Variants in ARHGAP12 observed in about 807,000 individuals in gnomAD.
The protein encoded by ARHGAP12 is rho GTPase-activating protein 12.
Under a neutral mutation model 108.6 loss-of-function variants are expected in ARHGAP12, and 64 were observed. The ratio of observed to expected loss-of-function variants is 0.59; its 90% confidence interval spans 0.48 to 0.73. The LOEUF is 0.73. Among genes scored for constraint, ARHGAP12 ranks in the 30% least tolerant of loss-of-function variants. The probability of loss-of-function intolerance (pLI) is 0.00; values close to 1 mark genes in which losing one functional copy is unlikely to be tolerated. For synonymous variants in ARHGAP12, 312 were observed against 337.2 expected, an observed-to-expected ratio of 0.93 and a Z score of 0.82; for missense variants, 940 against 1,005.9, an observed-to-expected ratio of 0.93 and a Z score of 0.89.
At chr10:31,901,207 C>G (rs1483380769) in intron 3 of ARHGAP12, among the ~76,000 whole-genome samples, 1 of 145,802 alleles carries the variant, frequency 6.9e-6, no homozygotes, top group Non-Finnish European at 1.5e-5. Flanking sequence ...CAGCAAGAAT[C>G]CGTCTCAAAA....
chr10:31,827,896 T>A (rs1835679899), intron 10 of ARHGAP12, among the ~76,000 whole-genome samples: 1 of 152,168 alleles, frequency 6.6e-6, no homozygotes, highest in Non-Finnish European at 1.5e-5. Context: ...TACCTTTTTT[T>A]AAATTACTTT....
At chr10:31,906,115 A>G (rs531524003) in intron 3 of ARHGAP12, among the ~76,000 whole-genome samples, 3 of 152,282 alleles carry the variant, frequency 2.0e-5, no homozygotes, top group South Asian at 4.1e-4. Flanking sequence ...ACACACAAGC[A>G]GCCATGAAGA....
In ARHGAP12 at chr10:31,807,706, C is replaced by G; in HGVS notation, c.2493G>C (p.Gln831His). 6.2e-7 allele frequency: 1 copy of G among 1,606,060 alleles called. No individual in the cohort carries two copies. The highest frequency in any genetic ancestry group is 8.5e-7 in the Non-Finnish European group (1 of 1,177,684). The stretch of plus-strand genomic sequence containing the variant: ...GTTCCAGAAGAATTAATTCTACAAT[C>G]TGATTCTGGTACACAGTATGAACTG... ...NIAVHTVYQNQIVELILLELS... is the reference protein window; with the variant it reads ...NIAVHTVYQNHIVELILLELS... Residue 831 changes from glutamine to histidine, a missense_variant, in exon 20 of 20, where the codon CAG becomes CAC. Gln to His is a conservative substitution (Grantham distance 24, BLOSUM62 0). Transcript: ENST00000344936.
chr10:31,850,689 T>A (rs1306921015), intron 6 of ARHGAP12, among the ~76,000 whole-genome samples: 1 of 152,146 alleles, frequency 6.6e-6, no homozygotes, highest in Admixed American at 6.5e-5. Context: ...TAAGTTTTAT[T>A]GGAAGACAAT....
chr10:31,906,012 G>A (rs892889168), intron 3 of ARHGAP12, among the ~76,000 whole-genome samples: 7 of 151,990 alleles, frequency 4.6e-5, no homozygotes, highest in Non-Finnish European at 1.0e-4. Context: ...CAATCAATAG[G>A]ATATGACAGT....
chr10:31,849,139 G>A (rs1360557738), intron 6 of ARHGAP12, among the ~76,000 whole-genome samples: 2 of 151,970 alleles, frequency 1.3e-5, no homozygotes, highest in Non-Finnish European at 2.9e-5. Flanking sequence ...AATAGCATTG[G>A]ATTTCTTCAC....
chr10:31,914,535 G>T (rs1455604357), intron 1 of ARHGAP12, among the ~76,000 whole-genome samples: 1 of 151,778 alleles, frequency 6.6e-6, no homozygotes, highest in East Asian at 1.9e-4. Context: ...GCCAATAAGT[G>T]TAAGAAAAAA....
chr10:31,826,781 T>G (rs1231095753), intron 10 of ARHGAP12: 2 of 160,060 alleles, frequency 1.2e-5, no homozygotes, highest in African/African-American at 4.8e-5. Context: ...CTTCCCTCAC[T>G]CACCTAATTC....
intron 10 of ARHGAP12, among the ~76,000 whole-genome samples, chr10:31,829,520 T>G (rs560733720): frequency 6.6e-4 from 101 of 152,298 alleles, no homozygotes; most frequent in African/African-American, 2.2e-3. Flanking sequence ...AAACAGAAAG[T>G]AGAACTTTGG....
rs541912976 is a variant in ARHGAP12 at position 31,916,574 on chromosome 10, A to G, written c.-110-6011T>C. On this transcript the variant is annotated intron_variant, in intron 1 of 19. Coordinates refer to ENST00000344936, the MANE Select transcript of ARHGAP12 (RefSeq NM_018287.7). ...TAACCAACCAATCTGTTTAAGAGGT[A>G]TATCAAAAAAAGTAAACAGGTAAAC... Among the ~76,000 whole-genome samples, 19 of 152,342 alleles carry G rather than the reference A, an allele frequency of 1.2e-4. No individual in the cohort carries two copies. The East Asian group carries it at 3.3e-3, about 26-fold the overall frequency.
Position 31,810,709 on chromosome 10 carries a change from T to G in ARHGAP12, c.1990A>C (p.Arg664=). ...FGSNLANLCQ[R]ENGTVPKFVK... ...AACTTTGGTACTGTGCCATTCTCTC[T>G]CTGACACAGATTAGCGAGATTGGAT... The change falls in exon 16 of 20, where the codon AGA becomes CGA. Residue 664 remains arginine (R), a synonymous_variant. Coordinates refer to ENST00000344936, the MANE Select transcript of ARHGAP12 (RefSeq NM_018287.7). The G allele has an allele frequency of 6.2e-7, 1 of 1,609,652 alleles. No individual in the cohort carries two copies. The highest frequency in any genetic ancestry group is 8.5e-7 in the Non-Finnish European group (1 of 1,178,076).
intron 1 of ARHGAP12, among the ~76,000 whole-genome samples, chr10:31,920,382 A>G (rs1400981820): frequency 3.7e-5 from 5 of 136,734 alleles, no homozygotes; most frequent in African/African-American, 1.3e-4. Context: ...CCCAGGAGGC[A>G]GAGGTTGCAG....
intron 1 of ARHGAP12, among the ~76,000 whole-genome samples, chr10:31,922,753 A>G (rs1004625063): frequency 2.6e-5 from 4 of 152,222 alleles, no homozygotes; most frequent in Admixed American, 1.3e-4. Flanking sequence ...CCAATTCTAC[A>G]TAAATCTCTC....
intron 1 of ARHGAP12, among the ~76,000 whole-genome samples, chr10:31,924,569 CT>C (rs1839951696): frequency 6.6e-6 from 1 of 152,040 alleles, no homozygotes; most frequent in South Asian, 2.1e-4. Context: ...ATAGATCATT[CT>C]TTTTTATTGT....
chr10:31,910,155 T>C lies in ARHGAP12; in HGVS notation c.-72+370A>G, dbSNP rs558937604. Among the ~76,000 whole-genome samples, 7 of 152,320 alleles carry C rather than the reference T, an allele frequency of 4.6e-5. No homozygotes were observed. The East Asian group carries it at 1.3e-3, about 29-fold the overall frequency. On this transcript the variant is annotated intron_variant, in intron 2 of 19. Coordinates refer to ENST00000344936, the MANE Select transcript of ARHGAP12 (RefSeq NM_018287.7). ...AGACCAGTGAGAGAATAAAAATAACTGTCTGCTGTTTAAGCACTCCAGTTT... is the reference window on the plus strand; with the variant it reads ...AGACCAGTGAGAGAATAAAAATAACCGTCTGCTGTTTAAGCACTCCAGTTT...
At chr10:31,921,525 G>T (rs563942776) in intron 1 of ARHGAP12, among the ~76,000 whole-genome samples, 7 of 152,144 alleles carry the variant, frequency 4.6e-5, no homozygotes, top group African/African-American at 1.7e-4. Flanking sequence ...CAGCACTTTG[G>T]GAGGCAGAGT....
chr10:31,808,081 C>G (rs893667625), intron 19 of ARHGAP12, among the ~76,000 whole-genome samples: 9 of 152,026 alleles, frequency 5.9e-5, no homozygotes, highest in African/African-American at 1.9e-4. Flanking sequence ...GATATTTTAG[C>G]TTAGTTTTTA....
At chr10:31,808,967 A>T (rs1467929286) in intron 18 of ARHGAP12, 27 bp downstream of exon 18, 1 of 1,541,660 alleles carries the variant, frequency 6.5e-7, no homozygotes, top group South Asian at 1.2e-5. Flanking sequence ...AATATCTAGA[A>T]AAAACTGAGT....
At chr10:31,860,427 C>T (rs1564395307) in intron 4 of ARHGAP12, among the ~76,000 whole-genome samples, 1 of 152,184 alleles carries the variant, frequency 6.6e-6, no homozygotes, top group Non-Finnish European at 1.5e-5. Context: ...TTTAAATAAT[C>T]CCAAGGCCTC....
Sources: gnomAD v4.1 joint callset for allele counts (sites outside exome capture counted in the v4.1 genomes callset) on GRCh38, gnomAD v4.1.1 for gene constraint, MANE v1.5 for transcripts, NCBI Gene and HGNC (gene_info 2026-07-23, HGNC 2026-07-21) for gene names.